The following GLB1 variants were observed in gnomAD, a reference collection of about 807,000 sequenced individuals.
GLB1 encodes the protein beta-galactosidase.
In GLB1, 56 loss-of-function variants were observed where a neutral mutation model predicts 74.0. The ratio of observed to expected loss-of-function variants is 0.76; its 90% confidence interval spans 0.61 to 0.94. The LOEUF is 0.94. Among genes scored for constraint, GLB1 ranks in the 40% least tolerant of loss-of-function variants. The probability of loss-of-function intolerance (pLI) is 0.00; values close to 1 mark genes in which losing one functional copy is unlikely to be tolerated. For missense variants in GLB1, 787 were observed against 845.5 expected, an observed-to-expected ratio of 0.93 and a Z score of 0.86; for synonymous variants, 323 against 323.6, an observed-to-expected ratio of 1.00 and a Z score of 0.02.
At chr3:33,034,854 G>T in intron 10 of GLB1, 1 of 535,764 alleles carries the variant, frequency 1.9e-6, no homozygotes, top group South Asian at 1.5e-5. Flanking sequence ...AGGACTGACT[G>T]ATCATCTAAT....
Position 33,021,647 on chromosome 3 carries a change from T to G in GLB1, c.1152A>C (p.Thr384=), listed in dbSNP as rs759322963. 6.2e-7 allele frequency: 1 copy of G among 1,613,684 alleles called. No homozygotes were observed. Among genetic ancestry groups the G allele is most frequent in the African/African-American group, 1.3e-5 (1 of 74,934 alleles). The change falls in exon 12 of 16, where the codon ACA becomes ACC. Residue 384 remains threonine (T), a synonymous_variant. Coordinates refer to ENST00000307363, the MANE Select transcript of GLB1 (RefSeq NM_000404.4). ...YGKVTLEKLK[T]VGAALDILCP... ...ACAGAATGTCCAGAGCTGCTCCCACTGTCTTTAACTGAAAAGAAACAAAAG... is the reference window on the plus strand; with the variant it reads ...ACAGAATGTCCAGAGCTGCTCCCACGGTCTTTAACTGAAAAGAAACAAAAG...
intron 12 of GLB1, among the ~76,000 whole-genome samples, chr3:33,019,629 C>G (rs1034389458): frequency 2.0e-5 from 3 of 152,164 alleles, no homozygotes; most frequent in African/African-American, 7.2e-5. Flanking sequence ...ACCACACAAA[C>G]CTTCTAGCGC....
intron 6 of GLB1, among the ~76,000 whole-genome samples, chr3:33,056,404 T>G (rs1699224767): frequency 6.6e-6 from 1 of 151,684 alleles, no homozygotes; most frequent in Non-Finnish European, 1.5e-5. Flanking sequence ...CTGGTCTTTT[T>G]TGTGTGTGTG....
chr3:33,018,324 A>T (rs1285608161), intron 13 of GLB1, 124 bp downstream of exon 13: 16 of 307,964 alleles, frequency 5.2e-5, no homozygotes, highest in East Asian at 9.4e-5. Flanking sequence ...AAAAAAAAAA[A>T]GATGATGGGT....
intron 4 of GLB1, among the ~76,000 whole-genome samples, chr3:33,066,887 G>GA (rs1355526866): frequency 6.6e-6 from 1 of 151,148 alleles, no homozygotes; most frequent in Non-Finnish European, 1.5e-5. Context: ...GTAAGACAAA[G>GA]AAAAAAACTA....
chr3:33,014,261 G>A lies in GLB1; in HGVS notation c.1529C>T (p.Thr510Met), dbSNP rs1803198. Residue 510 changes from threonine to methionine, a missense_variant, in exon 15 of 16, where the codon ACG becomes ATG. By Grantham distance (81) the Thr-to-Met change is moderately conservative (BLOSUM62 -1). Coordinates refer to ENST00000307363, the MANE Select transcript of GLB1 (RefSeq NM_000404.4). ...ATCCTCAGTGTCCAGTGGAAAGATC[G>A]TCCAGTCCGTGAGGATATTGGAACT... ...TLSSNILTDW[T>M]IFPLDTEDAV... The A allele has an allele frequency of 6.1e-5, 99 of 1,614,006 alleles. 2 individuals carry two copies. The highest frequency in any genetic ancestry group is 4.9e-4 in the Middle Eastern group (3 of 6,082).
intron 5 of GLB1, among the ~76,000 whole-genome samples, chr3:33,061,009 G>A (rs1699420859): frequency 6.6e-6 from 1 of 152,138 alleles, no homozygotes; most frequent in South Asian, 2.1e-4. Context: ...GAAGGCTGGG[G>A]GTAGGTGAGA....
chr3:33,049,774 C>A (rs1698900358), intron 9 of GLB1, among the ~76,000 whole-genome samples: 1 of 152,130 alleles, frequency 6.6e-6, no homozygotes, highest in Admixed American at 6.5e-5. Flanking sequence ...GCTCTCCCTC[C>A]CCTCACCCAC....
the GLB1 span, among the ~76,000 whole-genome samples, chr3:32,970,229 G>A: frequency 0.089 from 13,556 of 152,172 alleles, 1,071 homozygotes; most frequent in East Asian, 0.32. Flanking sequence ...AAAGTGGAGT[G>A]CATGAACCGA....
At chr3:33,024,765 T>G (rs1275972149) in intron 10 of GLB1, among the ~76,000 whole-genome samples, 1 of 152,240 alleles carries the variant, frequency 6.6e-6, no homozygotes, top group Non-Finnish European at 1.5e-5. Flanking sequence ...CTTCTCCATA[T>G]TGTTATGAAA....
intron 10 of GLB1, among the ~76,000 whole-genome samples, chr3:33,044,602 C>A (rs1698666654): frequency 6.6e-6 from 1 of 152,096 alleles, no homozygotes; most frequent in Non-Finnish European, 1.5e-5. Flanking sequence ...AAAGGAATAA[C>A]ATAAGCAACA....
At chr3:33,085,677 C>T (rs1225518372) in intron 1 of GLB1, among the ~76,000 whole-genome samples, 1 of 150,818 alleles carries the variant, frequency 6.6e-6, no homozygotes, top group Non-Finnish European at 1.5e-5. Flanking sequence ...ATAAGATGTA[C>T]AAAACAGGGC....
intron 2 of GLB1, among the ~76,000 whole-genome samples, chr3:33,069,569 G>A (rs756292179): frequency 3.3e-5 from 5 of 152,140 alleles, no homozygotes; most frequent in Admixed American, 6.5e-5. Flanking sequence ...GAAGAACTTT[G>A]AAGTTACAGA....
intron 11 of GLB1, among the ~76,000 whole-genome samples, chr3:33,023,234 A>G (rs1022508607): frequency 5.3e-5 from 8 of 152,322 alleles, no homozygotes; most frequent in Non-Finnish European, 1.2e-4. Flanking sequence ...TAGATTTGTC[A>G]TGGCTCTGAA....
chr3:33,052,064 T>A, intron 7 of GLB1, 60 bp from the exon 8 acceptor site: 3 of 1,604,306 alleles, frequency 1.9e-6, no homozygotes, highest in South Asian at 2.2e-5. Flanking sequence ...ATGCCAGGGC[T>A]TCCCTGCAAT....
rs1700544920 is a variant in GLB1, at chr3:33,087,272, T to C, written c.75+9739A>G. Among the ~76,000 whole-genome samples, 4 of 151,592 alleles carry C rather than the reference T, an allele frequency of 2.6e-5. No individual in the cohort carries two copies. The South Asian group carries it at 8.3e-4, about 32-fold the overall frequency. ...GCTATTAAAAAGATTGAATCAGTCA[T>C]CAAAAACCTCAAAGAGGCCGGGTAC... On this transcript the variant is annotated intron_variant, in intron 1 of 15. Transcript: ENST00000307363.
intron 1 of GLB1, chr3:33,091,265 G>A (rs188214950): frequency 6.4e-5 from 63 of 985,298 alleles, no homozygotes; most frequent in African/African-American, 6.1e-4. Flanking sequence ...TGTCAATACC[G>A]TGGCTGCCTG....
chr3:33,015,344 C>T (rs1479196728), intron 14 of GLB1, among the ~76,000 whole-genome samples: 1 of 152,296 alleles, frequency 6.6e-6, no homozygotes, highest in African/African-American at 2.4e-5. Context: ...AGATAACATA[C>T]ATGAGAATAC....
chr3:33,074,409 A>AAAG (rs1559413033), intron 1 of GLB1, among the ~76,000 whole-genome samples: 13 of 115,226 alleles, frequency 1.1e-4, no homozygotes, highest in Admixed American at 2.0e-4. Context: ...AGAAAGAAAG[A>AAAG]ATATTACACA....
Sources: allele counts gnomAD v4.1 joint callset (sites outside exome capture counted in the v4.1 genomes callset), GRCh38; gene constraint gnomAD v4.1.1; transcripts MANE v1.5; gene names NCBI Gene and HGNC (gene_info 2026-07-23, HGNC 2026-07-21).